Variants in GRIN2D observed in about 807,000 individuals in gnomAD.
The protein encoded by GRIN2D is glutamate ionotropic receptor NMDA type subunit 2D.
Under a neutral mutation model 103.2 loss-of-function variants are expected in GRIN2D, and 37 were observed. The ratio of observed to expected loss-of-function variants is 0.36; its 90% CI spans 0.28 to 0.47. The LOEUF is 0.47. Among genes scored for constraint, GRIN2D ranks in the 20% least tolerant of loss-of-function variants. GRIN2D has a pLI of 1.00. For missense variants in GRIN2D, 1,557 were observed against 1,910.6 expected, an observed-to-expected ratio of 0.81 and a Z score of 3.45; for synonymous variants, 845 against 885.6, an observed-to-expected ratio of 0.95 and a Z score of 0.81.
chr19:48,425,429 A>G (rs537149122), intron 11 of GRIN2D, among the ~76,000 whole-genome samples: 1 of 152,306 alleles, frequency 6.6e-6, no homozygotes, highest in Admixed American at 6.5e-5. Context: ...TTTAGTAGAC[A>G]TGTGATTTCA....
At position 48,444,004 on chromosome 19, in the gene GRIN2D, T is replaced by C. The variant is rs1971348033; in HGVS notation, c.*67T>C. On this transcript the variant is annotated 3_prime_UTR_variant, in exon 14 of 14. Transcript: ENST00000263269. The surrounding 1 kb of genome is among the most constrained non-coding windows in gnomAD (Gnocchi z 5.5). The stretch of plus-strand genomic sequence containing the variant: ...CCACGGCCCGAGGGGGCGCCCGCAG[T>C]GGACAGGACCCGCGTGGGTTGGGAA... 6.6e-6 allele frequency: 7 copies of C among 1,059,128 alleles called. No homozygotes were observed. Among genetic ancestry groups the C allele is most frequent in the Non-Finnish European group, 8.8e-6 (7 of 797,082 alleles). 65.6% of individuals were successfully genotyped at this position (1,059,128 alleles called of 1,614,324 possible).
At chr19:48,425,244 C>A (rs1239349180) in intron 11 of GRIN2D, among the ~76,000 whole-genome samples, 1 of 151,762 alleles carries the variant, frequency 6.6e-6, no homozygotes, top group African/African-American at 2.4e-5. Flanking sequence ...CGGGGGGGAT[C>A]CCATTTTCTT....
intron 11 of GRIN2D, among the ~76,000 whole-genome samples, chr19:48,426,224 C>CTTTCTTTCTTTT (rs1555893889): frequency 8.3e-6 from 1 of 120,118 alleles, no homozygotes; most frequent in African/African-American, 3.6e-5. Context: ...TTCTTTCTTT[C>CTTTCTTTCTTTT]TTTTTTTTTT....
intron 3 of GRIN2D, among the ~76,000 whole-genome samples, chr19:48,403,980 C>T (rs1230549765): frequency 3.3e-5 from 5 of 152,226 alleles, no homozygotes; most frequent in Non-Finnish European, 4.4e-5. Flanking sequence ...TGGCTCACGC[C>T]TGTAATTCCA....
At chr19:48,399,027 T>C (rs952465689) in intron 3 of GRIN2D, among the ~76,000 whole-genome samples, 170 bp downstream of exon 3, 4 of 151,962 alleles carry the variant, frequency 2.6e-5, no homozygotes, top group African/African-American at 9.7e-5. Context: ...AGGGCTAGAT[T>C]AGAGGCGGGG....
At chr19:48,399,210 C>A (rs549107132) in intron 3 of GRIN2D, among the ~76,000 whole-genome samples, 3 of 152,232 alleles carry the variant, frequency 2.0e-5, no homozygotes, top group East Asian at 1.9e-4. Flanking sequence ...AAGGGACTAG[C>A]CCCAAATGGC....
At position 48,419,564 on chromosome 19, in the gene GRIN2D, C is replaced by T. The variant is rs1268632851; in HGVS notation, c.1862-21C>T. On this transcript the variant is annotated intron_variant, in intron 9 of 13. Transcript: ENST00000263269. Reference sequence around the variant, plus strand: ...TTGAGAAGGGATTTGGGGTCCATGTCCACGTCCTGGCCCCCTGCAGGCCCT... The same window carrying T: ...TTGAGAAGGGATTTGGGGTCCATGTTCACGTCCTGGCCCCCTGCAGGCCCT... The T allele has an allele frequency of 1.9e-6, 3 of 1,565,806 alleles. No homozygotes were observed. In the African/African-American group the frequency reaches 4.1e-5, roughly 21 times the overall value.
intron 4 of GRIN2D, among the ~76,000 whole-genome samples, chr19:48,407,302 C>T (rs967857058): frequency 3.3e-5 from 5 of 151,852 alleles, no homozygotes; most frequent in African/African-American, 1.2e-4. Context: ...TATGCTTTCT[C>T]CCTCCCTCCC....
intron 8 of GRIN2D, among the ~76,000 whole-genome samples, chr19:48,416,902 G>A (rs1468063551): frequency 6.6e-6 from 1 of 151,884 alleles, no homozygotes; most frequent in East Asian, 1.9e-4. Context: ...GCACCACCAC[G>A]CCTGGCCAAT....
In GRIN2D at chr19:48,438,523, C is replaced by T. The variant is rs555330714; in HGVS notation, c.2253-3246C>T. On this transcript the variant is annotated intron_variant, in intron 11 of 13. Coordinates refer to ENST00000263269, the MANE Select transcript of GRIN2D (RefSeq NM_000836.4). ...CCGTGTTAGCCAGGATGGTCTCGAT[C>T]TCCTGACCTCGTGATCCGCCTGCCT... Among the ~76,000 whole-genome samples, 50 of 152,106 alleles carry T rather than the reference C, an allele frequency of 3.3e-4. No individual in the cohort carries two copies. The South Asian group carries it at 0.01, about 32-fold the overall frequency.
At position 48,443,008 on chromosome 19, in the gene GRIN2D, C is replaced by T. The variant is rs1165734891; in HGVS notation, c.3082C>T (p.Pro1028Ser). The change falls in exon 14 of 14, where the codon CCG becomes TCG. Residue 1028 changes from proline to serine, a missense_variant. Pro to Ser is a moderately conservative substitution (Grantham distance 74, BLOSUM62 -1). Transcript: ENST00000263269. This position sits in a 1 kb window ranked among gnomAD's most constrained non-coding sequence, Gnocchi z 8.9. ...CCCCGCCGGCGCCTTCCCCGGCTTC[C>T]CGTCGCCGCCCGCGCCCCCCGCCGC... ...EPPAGAFPGF[P>S]SPPAPPAAAA... The T allele has an allele frequency of 1.9e-6, 2 of 1,076,314 alleles. No individual in the cohort carries two copies. The highest frequency in any genetic ancestry group is 1.7e-5 in the African/African-American group (1 of 58,394). The allele number at this position is 1,076,314 out of a possible 1,614,324, so 66.7% of individuals were successfully genotyped here.
chr19:48,431,607 G>A lies in GRIN2D; in HGVS notation c.2252+9662G>A, dbSNP rs530065639. 1.2e-4 allele frequency among the ~76,000 whole-genome samples: 17 copies of A among 144,710 alleles called. No homozygotes were observed. The South Asian group carries it at 2.8e-3, about 24-fold the overall frequency. 94.9% of individuals were successfully genotyped at this position (144,710 alleles called of 152,430 possible). ...TCCCTTTTTTTTTTTTTTTTGAGACGGAGTTTCACTCTTGTTGCCCAGGCT... is the reference window on the plus strand; with the variant it reads ...TCCCTTTTTTTTTTTTTTTTGAGACAGAGTTTCACTCTTGTTGCCCAGGCT... On this transcript the variant is annotated intron_variant, in intron 11 of 13. Transcript: ENST00000263269.
In GRIN2D at chr19:48,417,890, A is replaced by T. The variant is rs191435469; in HGVS notation, c.1736-1344A>T. On this transcript the variant is annotated intron_variant, in intron 8 of 13. Transcript: ENST00000263269. The stretch of plus-strand genomic sequence containing the variant: ...TTGGGTTTATTGTTGGTGAGCTCCC[A>T]GGGGCTAAACACAGTTATCGAATGT... 1.5e-3 allele frequency among the ~76,000 whole-genome samples: 222 copies of T among 152,256 alleles called. 1 individual carries two copies. The highest frequency in any genetic ancestry group is 6.8e-3 in the Middle Eastern group (2 of 294).
chr19:48,413,137 A>AAAAAAC (rs1159192863), intron 4 of GRIN2D, among the ~76,000 whole-genome samples: 100 of 149,120 alleles, frequency 6.7e-4, no homozygotes, highest in Non-Finnish European at 1.3e-3. Flanking sequence ...ACTCTGTCTC[A>AAAAAAC]AAAAACAAAA....
intron 11 of GRIN2D, among the ~76,000 whole-genome samples, chr19:48,424,094 G>A (rs140675248): frequency 0.027 from 3,950 of 147,920 alleles, 84 homozygotes; most frequent in Non-Finnish European, 0.041. Flanking sequence ...GCTGGGATTA[G>A]AGGCGTGAGC....
intron 11 of GRIN2D, among the ~76,000 whole-genome samples, chr19:48,436,119 T>C (rs1971226326): frequency 6.6e-6 from 1 of 152,050 alleles, no homozygotes; most frequent in African/African-American, 2.4e-5. Flanking sequence ...GGGTCTGCAA[T>C]GGAAAAAGAG....
chr19:48,412,840 A>G lies in GRIN2D; in HGVS notation c.1086-1151A>G, dbSNP rs112493135. ...AAAACCACACATTAAAAAAAAAAAA[A>G]AAAGAAAGAGGAGGGCATGGTGGCT... On this transcript the variant is annotated intron_variant, in intron 4 of 13. Transcript: ENST00000263269. Among the ~76,000 whole-genome samples the G allele has an allele frequency of 6.8e-4, 102 of 149,182 alleles. 2 individuals are homozygous for G. The highest frequency in any genetic ancestry group is 2.3e-3 in the African/African-American group (95 of 40,562).
rs1307304153 is a variant in GRIN2D, at chr19:48,421,752, A to G, written c.2092-33A>G. 2 of 1,596,060 alleles carry G rather than the reference A, an allele frequency of 1.3e-6. No homozygotes were observed. The highest frequency in any genetic ancestry group is 1.7e-5 in the Admixed American group (1 of 58,166). On this transcript the variant is annotated intron_variant, in intron 10 of 13. Transcript: ENST00000263269. The surrounding 1 kb of genome is among the most constrained non-coding windows in gnomAD (Gnocchi z 4.8). ...ATTTATGTTAGGGATGTCCCTGCGGAGGGTGCCCTAATCACTCCCCATTCT... is the reference window on the plus strand; with the variant it reads ...ATTTATGTTAGGGATGTCCCTGCGGGGGGTGCCCTAATCACTCCCCATTCT...
At position 48,398,509 on chromosome 19, in the gene GRIN2D, T is replaced by A; in HGVS notation, c.117T>A (p.Gly39=). 5 of 1,010,612 alleles carry A rather than the reference T, an allele frequency of 4.9e-6. No homozygotes were observed. Among genetic ancestry groups the A allele is most frequent in the Non-Finnish European group, 5.9e-6 (5 of 849,052 alleles). 62.6% of individuals were successfully genotyped at this position (1,010,612 alleles called of 1,614,324 possible). Reference sequence around the variant, plus strand: ...AGGCGCCGGGGCCGGGCGGGGCCGGTGGGCCCGGCGGCGGCCTCGGCGGGG... The same window carrying A: ...AGGCGCCGGGGCCGGGCGGGGCCGGAGGGCCCGGCGGCGGCCTCGGCGGGG... ...PEEAPGPGGA[G]GPGGGLGGAR... The change falls in exon 3 of 14, where the codon GGT becomes GGA. Residue 39 remains glycine, a synonymous_variant. Coordinates refer to ENST00000263269, the MANE Select transcript of GRIN2D (RefSeq NM_000836.4).
Sources: allele counts gnomAD v4.1 joint callset (sites outside exome capture counted in the v4.1 genomes callset), GRCh38; gene constraint gnomAD v4.1.1; non-coding constraint Gnocchi (gnomAD v3.1); transcripts MANE v1.5; gene names NCBI Gene and HGNC (gene_info 2026-07-23, HGNC 2026-07-21).